Variants in OR3A2 observed in about 807,000 individuals in gnomAD.
OR3A2 encodes the protein olfactory receptor 3A2.
For missense variants in OR3A2, 318 were observed against 392.8 expected, an observed-to-expected ratio of 0.81 and a Z score of 1.61; for synonymous variants, 126 against 159.3, an observed-to-expected ratio of 0.79 and a Z score of 1.57.
At chr17:3,365,622 G>A (rs866089222) in intron 2 of OR3A2, among the ~76,000 whole-genome samples, 1 of 152,190 alleles carries the variant, frequency 6.6e-6, no homozygotes, top group African/African-American at 2.4e-5. Flanking sequence ...CACATTGACA[G>A]AGGCTCCACC....
At chr17:3,349,505 A>C (rs2049400628) in intron 2 of OR3A2, among the ~76,000 whole-genome samples, 1 of 152,154 alleles carries the variant, frequency 6.6e-6, no homozygotes, top group African/African-American at 2.4e-5. Flanking sequence ...ATATGCACCC[A>C]ATACAGGAGC....
intron 3 of OR3A2, among the ~76,000 whole-genome samples, chr17:3,318,827 T>G (rs925888812): frequency 1.3e-5 from 2 of 152,198 alleles, no homozygotes; most frequent in African/African-American, 4.8e-5. Flanking sequence ...CTAGACAGAT[T>G]GTACCACCAA....
At chr17:3,340,645 C>A (rs945636503) in intron 2 of OR3A2, among the ~76,000 whole-genome samples, 1 of 152,210 alleles carries the variant, frequency 6.6e-6, no homozygotes, top group African/African-American at 2.4e-5. Context: ...GTTGTGATTT[C>A]TGTCCTTTTA....
chr17:3,380,746 A>G (rs1380623012), intron 2 of OR3A2, among the ~76,000 whole-genome samples: 1 of 152,186 alleles, frequency 6.6e-6, no homozygotes, highest in African/African-American at 2.4e-5. Flanking sequence ...TGGGCTGGCC[A>G]AGGAGAGACT....
intron 2 of OR3A2, among the ~76,000 whole-genome samples, chr17:3,383,514 T>C (rs1437670309): frequency 6.6e-6 from 1 of 152,162 alleles, no homozygotes; most frequent in Non-Finnish European, 1.5e-5. Context: ...CCACAGCCAG[T>C]CAGGATGAAA....
chr17:3,278,616 A>G (rs1377153114), exon 2 of OR3A2: 1 of 1,587,108 alleles, frequency 6.3e-7, no homozygotes, highest in East Asian at 2.2e-5. Flanking sequence ...GAGCTGGGAG[A>G]GGCAGGCGTC....
At chr17:3,372,856 AGAGGGAGAG>A (rs2049643767) in intron 2 of OR3A2, among the ~76,000 whole-genome samples, 1 of 13,244 alleles carries the variant, frequency 7.6e-5, no homozygotes, top group East Asian at 9.3e-3. Context: ...AAGGAGAGGG[AGAGGGAGAG>A]GGAGAGGGAG....
chr17:3,293,567 C>T (rs2048895059), intron 3 of OR3A2, among the ~76,000 whole-genome samples: 1 of 151,956 alleles, frequency 6.6e-6, no homozygotes, highest in African/African-American at 2.4e-5. Context: ...CAAACCTGCA[C>T]ATCATATAAA....
intron 3 of OR3A2, chr17:3,291,806 G>T (rs773990884): frequency 6.2e-7 from 1 of 1,613,774 alleles, no homozygotes; most frequent in Non-Finnish European, 8.5e-7. Flanking sequence ...TATAGTTAAA[G>T]ATACCTGAAC....
chr17:3,330,648 G>C lies in OR3A2; in HGVS notation c.-85+5385C>G, dbSNP rs538780257. Among the ~76,000 whole-genome samples, 6 of 152,016 alleles carry C rather than the reference G, an allele frequency of 3.9e-5. No individual in the cohort carries two copies. In the South Asian group the frequency reaches 1.2e-3, roughly 32 times the overall value. On this transcript the variant is annotated intron_variant, in intron 3 of 4. Transcript: ENST00000573491. The stretch of plus-strand genomic sequence containing the variant: ...GTTTCCTGAATACAGCACACTGATG[G>C]GTCTTGACTCTTTATCCAATTTGCC...
chr17:3,371,658 C>A (rs1472413754), intron 2 of OR3A2, among the ~76,000 whole-genome samples: 8 of 137,042 alleles, frequency 5.8e-5, no homozygotes, highest in South Asian at 2.3e-4. Flanking sequence ...CAGAGGCGCC[C>A]CTCACCTCCC....
At chr17:3,353,853 TAA>T (rs1280143169) in intron 2 of OR3A2, among the ~76,000 whole-genome samples, 2 of 150,700 alleles carry the variant, frequency 1.3e-5, no homozygotes, top group East Asian at 3.9e-4. Context: ...AATATACCAT[TAA>T]GTTATTATTG....
intron 2 of OR3A2, among the ~76,000 whole-genome samples, chr17:3,352,658 G>C (rs187729876): frequency 2.1e-3 from 321 of 152,072 alleles, no homozygotes; most frequent in African/African-American, 7.4e-3. Flanking sequence ...TAGCTCTGTA[G>C]TATAATTTGA....
intron 1 of OR3A2, among the ~76,000 whole-genome samples, chr17:3,384,551 C>T (rs1271954852): frequency 6.6e-6 from 1 of 152,104 alleles, no homozygotes. Context: ...TCTTTGAATT[C>T]TTCCCAAATT....
chr17:3,372,788 C>T (rs973495536), intron 2 of OR3A2, among the ~76,000 whole-genome samples: 17 of 147,550 alleles, frequency 1.2e-4, no homozygotes, highest in African/African-American at 2.0e-4. Flanking sequence ...AGTCCAGCTT[C>T]GGCTCGGCAT....
Position 3,310,437 on chromosome 17 carries a change from G to A in OR3A2, c.-85+25596C>T, listed in dbSNP as rs141185140. ...CCTTCTTGCTTACGTCACTACCATT[G>A]GAGGCACCCTCAGCATCCTGGCGGC... On this transcript the variant is annotated intron_variant, in intron 3 of 4. Transcript: ENST00000573491. 2.6e-3 allele frequency: 1,372 copies of A among 535,528 alleles called. 6 individuals are homozygous for A. The highest frequency in any genetic ancestry group is 2.3e-3 in the Non-Finnish European group (601 of 260,084). The allele number at this position is 535,528 out of a possible 1,614,324, so 33.2% of individuals were successfully genotyped here.
intron 3 of OR3A2, among the ~76,000 whole-genome samples, chr17:3,302,744 C>G (rs8077303): frequency 0.17 from 25,223 of 152,122 alleles, 2,979 homozygotes; most frequent in African/African-American, 0.33. Context: ...GGCTAGTGGC[C>G]ACATTTCATC....
At chr17:3,341,816 G>T (rs1167515235) in intron 2 of OR3A2, among the ~76,000 whole-genome samples, 1 of 152,148 alleles carries the variant, frequency 6.6e-6, no homozygotes, top group South Asian at 2.1e-4. Context: ...GGACTGCCTT[G>T]CTAGGTTGGG....
chr17:3,302,632 T>C (rs1478083568), intron 3 of OR3A2, among the ~76,000 whole-genome samples: 2 of 152,246 alleles, frequency 1.3e-5, no homozygotes, highest in Non-Finnish European at 2.9e-5. Flanking sequence ...TCTTTAAATA[T>C]AGTTGCACTA....
Sources: allele counts gnomAD v4.1 joint callset (sites outside exome capture counted in the v4.1 genomes callset), GRCh38; gene constraint gnomAD v4.1.1; transcripts MANE v1.5; gene names NCBI Gene and HGNC (gene_info 2026-07-23, HGNC 2026-07-21).